SLC2A13: variants seen among roughly 807,000 people sequenced by gnomAD.
The protein encoded by SLC2A13 is solute carrier family 2 member 13, also known as proton myo-inositol cotransporter.
Under a neutral mutation model 64.4 loss-of-function variants are expected in SLC2A13, and 32 were observed. The ratio of observed to expected loss-of-function variants is 0.50; its 90% CI spans 0.37 to 0.67. The LOEUF (loss-of-function observed/expected upper bound fraction) is 0.67. Among genes scored for constraint, SLC2A13 ranks in the 30% least tolerant of loss-of-function variants. SLC2A13 has a pLI of 0.00. For synonymous variants in SLC2A13, 338 were observed against 327.1 expected, an observed-to-expected ratio of 1.03 and a Z score of -0.36; for missense variants, 743 against 829.2, an observed-to-expected ratio of 0.90 and a Z score of 1.28.
intron 7 of SLC2A13, among the ~76,000 whole-genome samples, chr12:39,797,210 C>T (rs1941606140): frequency 6.6e-6 from 1 of 152,130 alleles, no homozygotes; most frequent in Non-Finnish European, 1.5e-5. Context: ...TTAAAGTAAG[C>T]ACGCCAACAT....
chr12:39,844,856 C>A (rs1450957848), intron 6 of SLC2A13, among the ~76,000 whole-genome samples: 1 of 151,860 alleles, frequency 6.6e-6, no homozygotes, highest in Non-Finnish European at 1.5e-5. Flanking sequence ...TTAATTTTTG[C>A]TTGAAATATT....
chr12:40,020,920 GT>G (rs59809594), intron 3 of SLC2A13, among the ~76,000 whole-genome samples: 253 of 143,468 alleles, frequency 1.8e-3, no homozygotes, highest in Middle Eastern at 0.015. Context: ...TACCTTGTGG[GT>G]TTTTTTTTTT....
At chr12:40,081,371 A>C (rs1938396337) in intron 1 of SLC2A13, among the ~76,000 whole-genome samples, 1 of 152,110 alleles carries the variant, frequency 6.6e-6, no homozygotes, top group Non-Finnish European at 1.5e-5. Flanking sequence ...ATAATCCCTT[A>C]TTTCCCAGAG....
chr12:39,888,982 A>T (rs1470461189), intron 4 of SLC2A13, among the ~76,000 whole-genome samples: 1 of 152,148 alleles, frequency 6.6e-6, no homozygotes, highest in African/African-American at 2.4e-5. Context: ...CTTTATAAAA[A>T]TACAAGTCGG....
intron 2 of SLC2A13, among the ~76,000 whole-genome samples, chr12:40,040,498 C>T (rs1204084640): frequency 1.3e-5 from 2 of 151,862 alleles, no homozygotes; most frequent in Non-Finnish European, 2.9e-5. Context: ...GTTCAAGATT[C>T]TCCCACCTCA....
intron 1 of SLC2A13, among the ~76,000 whole-genome samples, chr12:40,053,583 T>C (rs1490479873): frequency 1.3e-5 from 2 of 152,058 alleles, no homozygotes; most frequent in African/African-American, 2.4e-5. Context: ...GGCAAAAGAG[T>C]CTTCTCTCTT....
chr12:39,929,329 G>A (rs544605733), intron 4 of SLC2A13, among the ~76,000 whole-genome samples: 1 of 152,166 alleles, frequency 6.6e-6, no homozygotes, highest in East Asian at 1.9e-4. Flanking sequence ...GAGGTGGGTG[G>A]ATCACGACGT....
chr12:39,995,093 AAAAC>A (rs1483904673), intron 3 of SLC2A13, among the ~76,000 whole-genome samples: 2 of 152,212 alleles, frequency 1.3e-5, no homozygotes, highest in African/African-American at 4.8e-5. Flanking sequence ...ATGATGCTTT[AAAAC>A]AAACAAAACT....
rs531628090 is a variant in SLC2A13 at position 40,006,705 on chromosome 12, T to C, written c.925+21596A>G. On this transcript the variant is annotated intron_variant, in intron 3 of 9. Coordinates refer to ENST00000280871, the MANE Select transcript of SLC2A13 (RefSeq NM_052885.4). The stretch of plus-strand genomic sequence containing the variant: ...AAGCAAGTACAGTTAGATATAAACA[T>C]TGTACTCACTTCCCTTATCCTCCTA... 1.0e-3 allele frequency among the ~76,000 whole-genome samples: 158 copies of C among 152,242 alleles called. 1 individual carries two copies. Among genetic ancestry groups the C allele is most frequent in the African/African-American group, 3.4e-3 (142 of 41,554 alleles).
At chr12:40,028,003 G>A (rs1565595935) in intron 3 of SLC2A13, among the ~76,000 whole-genome samples, 1 of 151,982 alleles carries the variant, frequency 6.6e-6, no homozygotes, top group Non-Finnish European at 1.5e-5. Flanking sequence ...TAGTACATGA[G>A]GTACTCATAC....
chr12:39,829,922 C>G (rs1942805794), intron 7 of SLC2A13, 181 bp downstream of exon 7: 1 of 769,036 alleles, frequency 1.3e-6, no homozygotes, highest in Non-Finnish European at 2.1e-6. Flanking sequence ...GCTTTCTACT[C>G]TGTGTGAAAC....
intron 1 of SLC2A13, chr12:40,068,321 T>C: frequency 2.4e-6 from 1 of 413,978 alleles, no homozygotes; most frequent in Non-Finnish European, 4.8e-6. Context: ...GTGTGCACAG[T>C]CTGTAGTATT....
At chr12:39,876,209 C>T (rs1038711947) in intron 4 of SLC2A13, among the ~76,000 whole-genome samples, 2 of 152,106 alleles carry the variant, frequency 1.3e-5, no homozygotes, top group African/African-American at 4.8e-5. Flanking sequence ...ACGTGCATTG[C>T]TATCTTAGAG....
At chr12:40,049,196 T>C (rs1190310167) in intron 1 of SLC2A13, among the ~76,000 whole-genome samples, 1 of 151,072 alleles carries the variant, frequency 6.6e-6, no homozygotes, top group African/African-American at 2.4e-5. Context: ...ATCTAATCAA[T>C]ACTTACCAAA....
At chr12:39,790,383 A>G (rs1180589995) in intron 7 of SLC2A13, among the ~76,000 whole-genome samples, 1 of 86,268 alleles carries the variant, frequency 1.2e-5, no homozygotes, top group Non-Finnish European at 2.2e-5. Context: ...CCCCCACCCC[A>G]CCACAGTCCC....
intron 2 of SLC2A13, among the ~76,000 whole-genome samples, chr12:40,035,648 A>G (rs1169338138): frequency 3.9e-5 from 6 of 152,188 alleles, no homozygotes; most frequent in Non-Finnish European, 8.8e-5. Flanking sequence ...TCCGCAAATG[A>G]TCAACACCTG....
intron 4 of SLC2A13, among the ~76,000 whole-genome samples, chr12:39,946,262 G>A (rs1946130870): frequency 6.6e-6 from 1 of 152,160 alleles, no homozygotes. Context: ...TGGAGGTTGT[G>A]GGGAGCAGGT....
chr12:40,004,183 A>C (rs535846825), intron 3 of SLC2A13, among the ~76,000 whole-genome samples: 3 of 151,824 alleles, frequency 2.0e-5, no homozygotes, highest in Non-Finnish European at 4.4e-5. Context: ...ATACTATACA[A>C]TTTTATTTTA....
intron 4 of SLC2A13, among the ~76,000 whole-genome samples, chr12:39,919,127 T>G (rs966295654): frequency 6.6e-5 from 10 of 152,028 alleles, no homozygotes; most frequent in African/African-American, 2.2e-4. Flanking sequence ...ACTACACGCT[T>G]GTGTGCCACC....
Sources: gnomAD v4.1 joint callset for allele counts (sites outside exome capture counted in the v4.1 genomes callset) on GRCh38, gnomAD v4.1.1 for gene constraint, MANE v1.5 for transcripts, NCBI Gene and HGNC (gene_info 2026-07-23, HGNC 2026-07-21) for gene names.